Variants in EPHA5 observed in about 807,000 individuals in gnomAD.
EPHA5 encodes EPH receptor A5.
In EPHA5, 60 loss-of-function variants were observed where a neutral mutation model predicts 105.0. The observed-to-expected ratio is 0.57, with a 90% CI of 0.46 to 0.71. The LOEUF (loss-of-function observed/expected upper bound fraction) is 0.71, where lower values mean the gene tolerates loss of function less well. EPHA5 is among the 30% of genes least tolerant of loss of function. The pLI is 0.00. For missense variants in EPHA5, 1,218 were observed against 1,274.7 expected, an observed-to-expected ratio of 0.96 and a Z score of 0.68; for synonymous variants, 513 against 449.1, an observed-to-expected ratio of 1.14 and a Z score of -1.80.
intron 3 of EPHA5, among the ~76,000 whole-genome samples, chr4:65,595,682 G>T (rs934968780): frequency 6.6e-6 from 1 of 150,898 alleles, no homozygotes; most frequent in Non-Finnish European, 1.5e-5. Context: ...CCGGGTTCAC[G>T]CCATTCTCCT....
intron 3 of EPHA5, among the ~76,000 whole-genome samples, chr4:65,503,938 C>T (rs1249097430): frequency 6.7e-6 from 1 of 149,884 alleles, no homozygotes; most frequent in Non-Finnish European, 1.5e-5. Flanking sequence ...CACACACACA[C>T]ACACACATAT....
rs776517764 is a variant in EPHA5, at chr4:65,332,615, T to TC, written c.2790-488_2790-487insG. 7.0e-3 allele frequency among the ~76,000 whole-genome samples: 476 copies of TC among 67,968 alleles called. 12 individuals are homozygous for TC. The highest frequency in any genetic ancestry group is 0.068 in the Admixed American group (361 of 5,334). The allele number at this position is 67,968 out of a possible 152,430, so 44.6% of individuals were successfully genotyped here. A position where few individuals can be genotyped will look rare whatever the true frequency, so the allele number is the denominator to read the frequency against. On this transcript the variant is annotated intron_variant, in intron 15 of 16. Coordinates refer to ENST00000613740, the MANE Select transcript of EPHA5 (RefSeq NM_001281766.3). ...CTGGCGGTTGATGCTGGTAATGGGG[T>TC]GGTGGGGGGTGGGGGAAGGCTACAT...
At chr4:65,327,789 G>T (rs898119037) in intron 16 of EPHA5, among the ~76,000 whole-genome samples, 3 of 150,968 alleles carry the variant, frequency 2.0e-5, no homozygotes, top group Admixed American at 1.3e-4. Flanking sequence ...TATAGTAAAG[G>T]TTAAATAACT....
intron 14 of EPHA5, among the ~76,000 whole-genome samples, chr4:65,337,437 A>AT (rs901431217): frequency 2.6e-5 from 4 of 151,438 alleles, no homozygotes; most frequent in African/African-American, 4.9e-5. Flanking sequence ...CCATAAACTT[A>AT]TTTTTTTTCA....
intron 8 of EPHA5, among the ~76,000 whole-genome samples, chr4:65,368,099 C>A (rs940061397): frequency 2.0e-5 from 3 of 152,046 alleles, no homozygotes; most frequent in African/African-American, 7.2e-5. Context: ...CCTCTAAATA[C>A]AATCTTAGTT....
At chr4:65,612,041 G>GAAAAAAAAAA (rs1560772566) in intron 2 of EPHA5, among the ~76,000 whole-genome samples, 1 of 119,570 alleles carries the variant, frequency 8.4e-6, no homozygotes, top group Non-Finnish European at 1.7e-5. Flanking sequence ...AAAAAAAAAG[G>GAAAAAAAAAA]AAAGAAAAGA....
At chr4:65,659,351 A>AGC (rs1749356222) in intron 1 of EPHA5, among the ~76,000 whole-genome samples, 1 of 79,356 alleles carries the variant, frequency 1.3e-5, no homozygotes, top group African/African-American at 4.2e-5. Context: ...AAAAAAAAAA[A>AGC]AAAAAAACAG....
intron 5 of EPHA5, among the ~76,000 whole-genome samples, chr4:65,436,794 G>C (rs1363681409): frequency 6.6e-6 from 1 of 151,884 alleles, no homozygotes; most frequent in Non-Finnish European, 1.5e-5. Flanking sequence ...TGCACCTACT[G>C]GTATGTGAAC....
intron 1 of EPHA5, among the ~76,000 whole-genome samples, chr4:65,654,662 T>G (rs1390786888): frequency 6.8e-6 from 1 of 147,910 alleles, no homozygotes; most frequent in Non-Finnish European, 1.5e-5. Flanking sequence ...ACATATATAT[T>G]TATTTATTTT....
intron 1 of EPHA5, among the ~76,000 whole-genome samples, chr4:65,650,547 G>A (rs1281441394): frequency 2.1e-5 from 2 of 94,726 alleles, no homozygotes; most frequent in Admixed American, 2.1e-4. Context: ...GCAACAGAGT[G>A]AGACTCAGTC....
chr4:65,505,650 A>C (rs1040323341), intron 3 of EPHA5, among the ~76,000 whole-genome samples: 10 of 151,970 alleles, frequency 6.6e-5, no homozygotes. Flanking sequence ...AGAGCACCTA[A>C]ATTTAGCTCC....
At chr4:65,647,796 G>A (rs529634918) in intron 1 of EPHA5, among the ~76,000 whole-genome samples, 2 of 152,044 alleles carry the variant, frequency 1.3e-5, no homozygotes, top group South Asian at 2.1e-4. Context: ...GGTTGATATT[G>A]GTATTTTAAT....
At chr4:65,643,277 T>A in intron 2 of EPHA5, 86 bp downstream of exon 2, 2 of 1,068,462 alleles carry the variant, frequency 1.9e-6, no homozygotes, top group Non-Finnish European at 2.9e-6. Context: ...AACATATACA[T>A]CCAGTACATA....
chr4:65,653,562 T>C (rs1388874925), intron 1 of EPHA5, among the ~76,000 whole-genome samples: 2 of 152,038 alleles, frequency 1.3e-5, no homozygotes, highest in Non-Finnish European at 2.9e-5. Flanking sequence ...GAAAATATTT[T>C]AAAATTAGTC....
intron 5 of EPHA5, among the ~76,000 whole-genome samples, chr4:65,444,345 G>A (rs1396493804): frequency 6.6e-6 from 1 of 151,966 alleles, no homozygotes; most frequent in Non-Finnish European, 1.5e-5. Flanking sequence ...ATATAGTACT[G>A]CCCAGTATAA....
chr4:65,359,031 ACT>A (rs1553899445), intron 11 of EPHA5, among the ~76,000 whole-genome samples: 1 of 151,560 alleles, frequency 6.6e-6, no homozygotes, highest in Non-Finnish European at 1.5e-5. Context: ...AAAATGATCA[ACT>A]CTGACAACTT....
intron 3 of EPHA5, among the ~76,000 whole-genome samples, chr4:65,541,478 C>T (rs1419321711): frequency 6.6e-6 from 1 of 151,700 alleles, no homozygotes; most frequent in Non-Finnish European, 1.5e-5. Context: ...AGACTTTAAA[C>T]CAACAAAGAT....
intron 3 of EPHA5, among the ~76,000 whole-genome samples, chr4:65,589,447 G>C (rs4286590): frequency 0.87 from 131,889 of 152,068 alleles, 57,570 homozygotes; most frequent in Non-Finnish European, 0.91. Flanking sequence ...ACCTCCCTCT[G>C]TAACCACTGG....
At chr4:65,365,792 A>G in intron 10 of EPHA5, 140 bp downstream of exon 10, 1 of 778,502 alleles carries the variant, frequency 1.3e-6, no homozygotes, top group Non-Finnish European at 1.9e-6. Flanking sequence ...TTGTATTAAA[A>G]TGTGATCAGT....
Sources: allele counts gnomAD v4.1 joint callset (sites outside exome capture counted in the v4.1 genomes callset), GRCh38; gene constraint gnomAD v4.1.1; transcripts MANE v1.5; gene names NCBI Gene and HGNC (gene_info 2026-07-23, HGNC 2026-07-21).